SDK2: variants seen among roughly 807,000 people sequenced by gnomAD.
SDK2 encodes protein sidekick-2.
Under a neutral mutation model 253.9 loss-of-function variants are expected in SDK2, and 105 were observed. The observed-to-expected ratio is 0.41, with a 90% CI of 0.35 to 0.49. SDK2 has a LOEUF of 0.49. SDK2 is among the 20% of genes least tolerant of loss of function. SDK2 has a pLI of 0.06. For missense variants in SDK2, 2,608 were observed against 3,003.0 expected (o/e 0.87, Z 3.07); for synonymous variants, 1,249 against 1,234.9 (o/e 1.01, Z -0.24).
intron 3 of SDK2, among the ~76,000 whole-genome samples, chr17:73,469,990 G>GCACACACACA (rs1555585147): frequency 3.8e-4 from 40 of 105,674 alleles, no homozygotes; most frequent in East Asian, 3.0e-3. Context: ...CTGCGCGCGC[G>GCACACACACA]CGCACACACA....
In SDK2 at chr17:73,513,142, G is replaced by GAA. The variant is rs34520658; in HGVS notation, c.65-5547_65-5546dup. Among the ~76,000 whole-genome samples, 497 of 146,378 alleles carry GAA rather than the reference G, an allele frequency of 3.4e-3. 4 individuals carry two copies. Among genetic ancestry groups the GAA allele is most frequent in the Admixed American group, 7.7e-3 (114 of 14,724 alleles). On this transcript the variant is annotated intron_variant, in intron 1 of 44. Transcript: ENST00000392650. ...TTCAACTACACAGAAATTCTGCCTG[G>GAA]AAAAAAAAAAACCCTCATAAACAAA...
At chr17:73,433,080 C>T (rs2063340556) in intron 10 of SDK2, among the ~76,000 whole-genome samples, 1 of 152,124 alleles carries the variant, frequency 6.6e-6, no homozygotes, top group African/African-American at 2.4e-5. Context: ...GTTTCCTGGG[C>T]TTTCGGACTC....
chr17:73,384,800 C>T (rs891817958), intron 32 of SDK2, among the ~76,000 whole-genome samples: 5 of 152,250 alleles, frequency 3.3e-5, no homozygotes, highest in East Asian at 3.9e-4. Context: ...TGGGCAACAG[C>T]GCAAGACTGT....
In SDK2 at chr17:73,642,602, C is replaced by T. The variant is rs111768793; in HGVS notation, c.64+1423G>A. On this transcript the variant is annotated intron_variant, in intron 1 of 44. Transcript: ENST00000392650. This position sits in a 1 kb window ranked among gnomAD's most constrained non-coding sequence, Gnocchi z 4.7. Reference sequence around the variant, plus strand: ...TCATCTGGTTCCAGACCTGCCTCTGCCCCCAGATCACAGAGTGGCCTTGGG... The same window carrying T: ...TCATCTGGTTCCAGACCTGCCTCTGTCCCCAGATCACAGAGTGGCCTTGGG... 9.3e-3 allele frequency among the ~76,000 whole-genome samples: 1,415 copies of T among 152,250 alleles called. 23 individuals carry two copies. Among genetic ancestry groups the T allele is most frequent in the African/African-American group, 0.032 (1,323 of 41,540 alleles).
intron 2 of SDK2, among the ~76,000 whole-genome samples, chr17:73,479,606 A>G (rs1427854681): frequency 6.6e-6 from 1 of 152,234 alleles, no homozygotes; most frequent in Non-Finnish European, 1.5e-5. Context: ...CATAATAACT[A>G]TTATTATAAT....
intron 39 of SDK2, among the ~76,000 whole-genome samples, chr17:73,360,449 G>A (rs2062631125): frequency 6.6e-6 from 1 of 152,212 alleles, no homozygotes; most frequent in Non-Finnish European, 1.5e-5. Flanking sequence ...CAGAGGAGGA[G>A]ATGGGATTTT....
intron 10 of SDK2, among the ~76,000 whole-genome samples, chr17:73,433,222 G>A (rs12601153): frequency 0.21 from 31,491 of 151,900 alleles, 3,518 homozygotes; most frequent in East Asian, 0.34. Flanking sequence ...ACTCACCAGG[G>A]TGGCAGGTCT....
chr17:73,424,119 CAGAGGG>C lies in SDK2; in HGVS notation c.1584-33_1584-28del, dbSNP rs2145591462. On this transcript the variant is annotated intron_variant, in intron 12 of 44. Transcript: ENST00000392650. ...TAAAAGTAAGAAGAACCCGTAAGTA[CAGAGGG>C]AGAGGAAGGTACCTTGGGAGTGGGC... 2.5e-6 allele frequency: 4 copies of C among 1,591,450 alleles called. No homozygotes were observed. The East Asian group carries it at 9.0e-5, about 36-fold the overall frequency.
intron 1 of SDK2, among the ~76,000 whole-genome samples, chr17:73,606,521 A>G (rs796556520): frequency 6.6e-5 from 10 of 152,318 alleles, no homozygotes; most frequent in African/African-American, 2.4e-4. Context: ...TACCCGCACC[A>G]TCTGTAACCC....
chr17:73,483,276 G>A (rs1040538563), intron 2 of SDK2, among the ~76,000 whole-genome samples: 1 of 150,544 alleles, frequency 6.6e-6, no homozygotes, highest in African/African-American at 2.4e-5. Context: ...GGGGCGACCC[G>A]CGGACAACTC....
chr17:73,440,280 A>G (rs2063404612), intron 6 of SDK2, among the ~76,000 whole-genome samples: 1 of 151,348 alleles, frequency 6.6e-6, no homozygotes, highest in Non-Finnish European at 1.5e-5. Flanking sequence ...TAATTTTTGT[A>G]TTTTCAGTAG....
At chr17:73,501,372 C>T (rs534535041) in intron 2 of SDK2, among the ~76,000 whole-genome samples, 24 of 152,348 alleles carry the variant, frequency 1.6e-4, no homozygotes, top group African/African-American at 5.3e-4. Context: ...AGGAATCACT[C>T]TGGGAAGCTG....
chr17:73,513,936 T>G (rs2064001576), intron 1 of SDK2: 1 of 152,188 alleles, frequency 6.6e-6, no homozygotes, highest in Non-Finnish European at 1.5e-5. Flanking sequence ...AGTGGCTCCA[T>G]GAAAAATGGA....
chr17:73,598,329 T>C (rs900742020), intron 1 of SDK2, among the ~76,000 whole-genome samples: 4 of 152,310 alleles, frequency 2.6e-5, no homozygotes, highest in Non-Finnish European at 5.9e-5. Flanking sequence ...CGCTGGGTCA[T>C]TGGCCGACGG....
intron 12 of SDK2, among the ~76,000 whole-genome samples, chr17:73,428,385 A>G (rs1447566118): frequency 2.6e-5 from 4 of 151,808 alleles, no homozygotes; most frequent in African/African-American, 9.7e-5. Context: ...TTCTAGAACT[A>G]TTTTGGAGGT....
chr17:73,477,862 T>A (rs1225885756), intron 2 of SDK2, among the ~76,000 whole-genome samples: 1 of 152,136 alleles, frequency 6.6e-6, no homozygotes, highest in African/African-American at 2.4e-5. Context: ...GGTGGCTGGG[T>A]GACCTGCAAC....
At position 73,612,639 on chromosome 17, in the gene SDK2, C is replaced by G. The variant is rs1000179777; in HGVS notation, c.64+31386G>C. ...TAATAATAATAATAGTAACAGTAGGCCAGGCGAGGTGGCTCACACCTGTAA... is the reference window on the plus strand; with the variant it reads ...TAATAATAATAATAGTAACAGTAGGGCAGGCGAGGTGGCTCACACCTGTAA... On this transcript the variant is annotated intron_variant, in intron 1 of 44. Coordinates refer to ENST00000392650, the MANE Select transcript of SDK2 (RefSeq NM_001144952.2). This position sits in a 1 kb window ranked among gnomAD's most constrained non-coding sequence, Gnocchi z 4.4. 1.3e-5 allele frequency among the ~76,000 whole-genome samples: 2 copies of G among 152,084 alleles called. No individual in the cohort carries two copies. The highest frequency in any genetic ancestry group is 2.4e-5 in the African/African-American group (1 of 41,398).
chr17:73,365,628 G>A (rs938819862), intron 37 of SDK2, among the ~76,000 whole-genome samples: 1 of 152,070 alleles, frequency 6.6e-6, no homozygotes, highest in Non-Finnish European at 1.5e-5. Context: ...AAGAGAACTC[G>A]ATTTTTCCCT....
chr17:73,417,393 G>A (rs1334367575), intron 16 of SDK2, among the ~76,000 whole-genome samples: 4 of 149,880 alleles, frequency 2.7e-5, no homozygotes, highest in African/African-American at 9.9e-5. Context: ...GCAATGGAGT[G>A]AGACCCTGTC....
Sources: gnomAD v4.1 joint callset for allele counts (sites outside exome capture counted in the v4.1 genomes callset) on GRCh38, gnomAD v4.1.1 for gene constraint, Gnocchi (gnomAD v3.1) non-coding constraint, MANE v1.5 for transcripts, NCBI Gene and HGNC (gene_info 2026-07-23, HGNC 2026-07-21) for gene names.